MGAT4C: variants seen among roughly 807,000 people sequenced by gnomAD.
MGAT4C encodes the protein alpha-1,3-mannosyl-glycoprotein 4-beta-N-acetylglucosaminyltransferase C.
MGAT4C carries 19 observed loss-of-function variants against 40.1 expected under a neutral mutation model. That is an observed-to-expected ratio of 0.47 (90% confidence interval 0.33 to 0.70). MGAT4C has a LOEUF of 0.70. Among genes scored for constraint, MGAT4C ranks in the 30% least tolerant of loss-of-function variants. The pLI is 0.02. For synonymous variants in MGAT4C, 181 were observed against 187.1 expected, an observed-to-expected ratio of 0.97 and a Z score of 0.27; for missense variants, 491 against 563.2, an observed-to-expected ratio of 0.87 and a Z score of 1.30.
At chr12:86,536,310 G>C (rs1174471308) in intron 2 of MGAT4C, among the ~76,000 whole-genome samples, 1 of 152,052 alleles carries the variant, frequency 6.6e-6, no homozygotes, top group Non-Finnish European at 1.5e-5. Flanking sequence ...ACATAGATTT[G>C]CAATCTAACC....
At chr12:86,447,574 A>C (rs936138250) in intron 2 of MGAT4C, among the ~76,000 whole-genome samples, 2 of 152,078 alleles carry the variant, frequency 1.3e-5, no homozygotes, top group African/African-American at 4.8e-5. Context: ...TTTACTCTCT[A>C]CATAGACAGT....
chr12:86,502,661 G>T (rs1958371831), intron 2 of MGAT4C, among the ~76,000 whole-genome samples: 1 of 145,672 alleles, frequency 6.9e-6, no homozygotes, highest in Non-Finnish European at 1.5e-5. Flanking sequence ...CATGATTTCT[G>T]CTCATATATA....
chr12:86,665,694 C>G (rs1375796702), intron 2 of MGAT4C, among the ~76,000 whole-genome samples: 1 of 152,058 alleles, frequency 6.6e-6, no homozygotes, highest in Non-Finnish European at 1.5e-5. Context: ...AACTTTTATA[C>G]AAAATATACA....
intron 2 of MGAT4C, among the ~76,000 whole-genome samples, chr12:86,696,204 G>T (rs1950255354): frequency 6.6e-6 from 1 of 151,478 alleles, no homozygotes; most frequent in Non-Finnish European, 1.5e-5. Context: ...TGGCAACAGA[G>T]TGAGACTCAG....
intron 3 of MGAT4C, among the ~76,000 whole-genome samples, chr12:86,409,519 A>G (rs1956560795): frequency 6.6e-6 from 1 of 152,194 alleles, no homozygotes; most frequent in Non-Finnish European, 1.5e-5. Flanking sequence ...TGCAAAAAAA[A>G]AGTTTGCACA....
At chr12:86,162,854 A>G (rs1010980093) in intron 1 of MGAT4C, among the ~76,000 whole-genome samples, 1 of 152,204 alleles carries the variant, frequency 6.6e-6, no homozygotes, top group Non-Finnish European at 1.5e-5. Context: ...AGTTTCTCCT[A>G]TCACCAATAC....
intron 4 of MGAT4C, among the ~76,000 whole-genome samples, chr12:85,983,295 A>G (rs1369860145): frequency 6.6e-6 from 1 of 152,100 alleles, no homozygotes; most frequent in East Asian, 1.9e-4. Context: ...ACAAAATCTC[A>G]AGAGACTCAC....
intron 3 of MGAT4C, among the ~76,000 whole-genome samples, chr12:86,367,179 T>C (rs1955615590): frequency 6.6e-6 from 1 of 151,852 alleles, no homozygotes; most frequent in African/African-American, 2.4e-5. Flanking sequence ...ACTTCTGTCC[T>C]AACTACAAGC....
intron 2 of MGAT4C, among the ~76,000 whole-genome samples, chr12:86,455,986 T>A (rs1957504817): frequency 6.6e-6 from 1 of 152,088 alleles, no homozygotes; most frequent in African/African-American, 2.4e-5. Context: ...ATATGATACA[T>A]CTACTATTAA....
intron 1 of MGAT4C, among the ~76,000 whole-genome samples, chr12:86,199,543 T>G (rs921043230): frequency 6.6e-6 from 1 of 152,172 alleles, no homozygotes; most frequent in Non-Finnish European, 1.5e-5. Flanking sequence ...GTTTTTTATG[T>G]GTATTTCATG....
In MGAT4C at chr12:85,993,930, T is replaced by C. The variant is rs142788419; in HGVS notation, c.-6-4378A>G. ...CTACGCAGGCACCCCTGAGCCTGTG[T>C]AGATGGTGGCATGGGGTCCTTCCAG... On this transcript the variant is annotated intron_variant, in intron 2 of 4. Transcript: ENST00000611864. 1.2e-3 allele frequency among the ~76,000 whole-genome samples: 179 copies of C among 152,240 alleles called. 2 individuals carry two copies. The Middle Eastern group carries it at 0.017, about 14-fold the overall frequency.
At chr12:86,164,630 C>T (rs1885985503) in intron 1 of MGAT4C, among the ~76,000 whole-genome samples, 1 of 152,100 alleles carries the variant, frequency 6.6e-6, no homozygotes, top group African/African-American at 2.4e-5. Flanking sequence ...GAATAAGTGA[C>T]TTTGAGTTCA....
chr12:86,783,757 A>C (rs376974693), intron 1 of MGAT4C, among the ~76,000 whole-genome samples: 3 of 152,184 alleles, frequency 2.0e-5, no homozygotes, highest in African/African-American at 7.2e-5. Flanking sequence ...TTCTGTGAAA[A>C]AAATTTTTGG....
At chr12:86,263,390 T>C (rs542224996) in intron 4 of MGAT4C, among the ~76,000 whole-genome samples, 2 of 152,162 alleles carry the variant, frequency 1.3e-5, no homozygotes, top group Admixed American at 6.5e-5. Flanking sequence ...TCCATGTTTC[T>C]ACATTTGTAT....
At chr12:86,645,848 A>G (rs1019501961) in intron 2 of MGAT4C, among the ~76,000 whole-genome samples, 2 of 151,788 alleles carry the variant, frequency 1.3e-5, no homozygotes, top group South Asian at 2.1e-4. Context: ...TTTCTACTCA[A>G]TATAGGTAAT....
rs1882971554 is a variant in MGAT4C at position 85,959,030 on chromosome 12, TAC to T, written c.*20257_*20258del. The stretch of plus-strand genomic sequence containing the variant: ...TAAATCTCTGGTAACCACTATACAA[TAC>T]AATACAATACAATACAATACAATAC... On this transcript the variant is annotated 3_prime_UTR_variant, in exon 5 of 5. Transcript: ENST00000611864. 7.2e-6 allele frequency: 1 copy of T among 139,818 alleles called. No individual in the cohort carries two copies. Among genetic ancestry groups the T allele is most frequent in the Admixed American group, 7.2e-5 (1 of 13,872 alleles). The allele number at this position is 139,818 out of a possible 1,614,324, so 8.7% of individuals were successfully genotyped here. A position where few individuals can be genotyped will look rare whatever the true frequency, so the allele number is the denominator to read the frequency against.
intron 1 of MGAT4C, among the ~76,000 whole-genome samples, chr12:86,832,363 G>C (rs532861649): frequency 5.2e-4 from 79 of 151,814 alleles, no homozygotes; most frequent in Middle Eastern, 6.8e-3. Context: ...CAAAATTTTT[G>C]TAACTTTCAA....
At chr12:86,627,582 G>C (rs1029597756) in intron 2 of MGAT4C, among the ~76,000 whole-genome samples, 7 of 152,290 alleles carry the variant, frequency 4.6e-5, no homozygotes, top group Non-Finnish European at 1.0e-4. Context: ...AGCCTCTGCT[G>C]GTGATACCCA....
intron 2 of MGAT4C, among the ~76,000 whole-genome samples, chr12:86,645,656 A>T (rs1963521794): frequency 6.6e-6 from 1 of 151,764 alleles, no homozygotes; most frequent in Non-Finnish European, 1.5e-5. Context: ...TTCTCTCATA[A>T]ATCTGTTTTA....
Sources: allele counts gnomAD v4.1 joint callset (sites outside exome capture counted in the v4.1 genomes callset), GRCh38; gene constraint gnomAD v4.1.1; transcripts MANE v1.5; gene names NCBI Gene and HGNC (gene_info 2026-07-23, HGNC 2026-07-21).